KLHL12: variants seen among roughly 807,000 people sequenced by gnomAD.
The protein encoded by KLHL12 is kelch like family member 12, also known as kelch-like protein 12.
A neutral mutation model predicts 60.8 loss-of-function variants in KLHL12; 17 were observed. The observed-to-expected ratio is 0.28, with a 90% CI of 0.19 to 0.42. The LOEUF (loss-of-function observed/expected upper bound fraction) is 0.42, where lower values mean the gene tolerates loss of function less well. KLHL12 is among the 10% of genes least tolerant of loss of function. KLHL12 has a pLI of 1.00. For missense variants in KLHL12, 468 were observed against 722.3 expected (o/e 0.65, Z 4.04); for synonymous variants, 220 against 250.9 (o/e 0.88, Z 1.16).
chr1:202,908,125 A>C (rs1660251683), intron 6 of KLHL12, among the ~76,000 whole-genome samples: 1 of 152,206 alleles, frequency 6.6e-6, no homozygotes, highest in Non-Finnish European at 1.5e-5. Flanking sequence ...CAGTGAAGCA[A>C]AGAGAATAGG....
intron 6 of KLHL12, among the ~76,000 whole-genome samples, chr1:202,903,992 G>GTATCTATC (rs566027420): frequency 7.8e-5 from 11 of 141,588 alleles, no homozygotes; most frequent in African/African-American, 2.6e-4. Context: ...ATCTATCTAT[G>GTATCTATC]TATCTATCTA....
At chr1:202,897,283 T>C (rs1169519474) in intron 6 of KLHL12, among the ~76,000 whole-genome samples, 1 of 139,554 alleles carries the variant, frequency 7.2e-6, no homozygotes, top group Non-Finnish European at 1.5e-5. Flanking sequence ...TTGACCAGGC[T>C]AGAATGCAAT....
intron 11 of KLHL12, 25 bp from the exon 12 acceptor site, chr1:202,892,684 A>T (rs750397673): frequency 6.2e-7 from 1 of 1,611,234 alleles, no homozygotes; most frequent in South Asian, 1.1e-5. Context: ...AGCAAAAGAA[A>T]GAAATGAGTC....
chr1:202,927,466 T>C (rs2102468820), upstream of KLHL12, among the ~76,000 whole-genome samples: 1 of 136,444 alleles, frequency 7.3e-6, no homozygotes, highest in South Asian at 2.3e-4. Context: ...GCGAATTACC[T>C]GAGCTCCGGA....
At chr1:202,901,312 C>T (rs1019139326) in intron 6 of KLHL12, among the ~76,000 whole-genome samples, 3 of 152,038 alleles carry the variant, frequency 2.0e-5, no homozygotes, top group Admixed American at 6.6e-5. Context: ...GTCACCTAGG[C>T]TGGAGTGCAG....
chr1:202,924,479 GC>G (rs1354992767), intron 2 of KLHL12, among the ~76,000 whole-genome samples: 1 of 152,320 alleles, frequency 6.6e-6, no homozygotes. Context: ...AAGGCTGGAT[GC>G]CGTGGCTCAC....
At position 202,911,173 on chromosome 1, in the gene KLHL12, C is replaced by T. The variant is rs1660343210; in HGVS notation, c.598G>A (p.Val200Ile). The T allele has an allele frequency of 6.2e-7, 1 of 1,614,128 alleles. No homozygotes were observed. The highest frequency in any genetic ancestry group is 1.7e-5 in the Admixed American group (1 of 60,020). The change falls in exon 5 of 12, where the codon GTC (valine) becomes ATC (isoleucine). Residue 200 changes from valine (V) to isoleucine (I), a missense_variant. Transcript: ENST00000367261. ...VDSEEPVFEA[V>I]INWVKHAKKE... ...TTGGCATGCTTCACCCAGTTGATGA[C>T]AGCCTCAAAGACTGGCTCTTCAGAA... is the stretch of plus-strand genomic sequence containing the variant.
At position 202,893,196 on chromosome 1, in the gene KLHL12, C is replaced by G. The variant is rs201727753; in HGVS notation, c.1580+43G>C. On this transcript the variant is annotated intron_variant, in intron 11 of 11. Coordinates refer to ENST00000367261, the MANE Select transcript of KLHL12 (RefSeq NM_021633.4). This position sits in a 1 kb window ranked among gnomAD's most constrained non-coding sequence, Gnocchi z 4.1. The stretch of plus-strand genomic sequence containing the variant: ...GAGGATCAGATCACATAGACTCTTG[C>G]TCTGGCTACATATTGAGTCTGGATT... 10 of 1,495,750 alleles carry G rather than the reference C, an allele frequency of 6.7e-6. No individual in the cohort carries two copies. Among genetic ancestry groups the G allele is most frequent in the Non-Finnish European group, 9.1e-6 (10 of 1,101,770 alleles). 92.7% of individuals were successfully genotyped at this position (1,495,750 alleles called of 1,614,324 possible).
Position 202,894,296 on chromosome 1 carries a change from AC to A in KLHL12, c.1295-15del. ...CGTCATATCCTCCTGGAAGACAGAG[AC>A]CATTCCAGAAAGAGTGGTAAATCCT... is the stretch of plus-strand genomic sequence containing the variant. On this transcript the variant is annotated splice_polypyrimidine_tract_variant and intron_variant, in intron 9 of 11. Coordinates refer to ENST00000367261, the MANE Select transcript of KLHL12 (RefSeq NM_021633.4). 1 of 1,508,040 alleles carries A rather than the reference AC, an allele frequency of 6.6e-7. No individual in the cohort carries two copies. Among genetic ancestry groups the A allele is most frequent in the Non-Finnish European group, 9.0e-7 (1 of 1,106,448 alleles). The allele number at this position is 1,508,040 out of a possible 1,614,324, so 93.4% of individuals were successfully genotyped here.
intron 2 of KLHL12, among the ~76,000 whole-genome samples, chr1:202,923,589 CTGTT>C (rs1237110446): frequency 6.6e-6 from 1 of 152,178 alleles, no homozygotes; most frequent in Non-Finnish European, 1.5e-5. Context: ...GAGTTACAAA[CTGTT>C]TGGGCTTTAG....
At chr1:202,912,010 G>A in intron 4 of KLHL12, 1 of 790,378 alleles carries the variant, frequency 1.3e-6, no homozygotes, top group Middle Eastern at 3.5e-4. Flanking sequence ...TGCCATTGTG[G>A]AGGAGGTGGA....
intron 4 of KLHL12, among the ~76,000 whole-genome samples, chr1:202,917,231 A>C (rs1281609992): frequency 6.6e-6 from 1 of 152,054 alleles, no homozygotes; most frequent in Admixed American, 6.6e-5. Flanking sequence ...CTTCCCCCGC[A>C]AGAGACAGGG....
intron 4 of KLHL12, among the ~76,000 whole-genome samples, chr1:202,912,986 AG>A (rs1660410803): frequency 1.3e-5 from 2 of 150,594 alleles, no homozygotes; most frequent in Admixed American, 1.3e-4. Flanking sequence ...GTTTTAATGC[AG>A]ATTTTTTTTT....
intron 2 of KLHL12, among the ~76,000 whole-genome samples, chr1:202,920,577 C>T (rs566577155): frequency 3.3e-5 from 5 of 151,554 alleles, no homozygotes; most frequent in African/African-American, 9.7e-5. Context: ...GGGGTTTCAC[C>T]GTGTTAGCCA....
At chr1:202,894,493 A>G in intron 9 of KLHL12, 98 bp downstream of exon 9, 1 of 1,231,422 alleles carries the variant, frequency 8.1e-7, no homozygotes, top group Non-Finnish European at 1.2e-6. Context: ...TTTTAGTTGA[A>G]GGGAAGTCTA....
At chr1:202,918,636 A>G (rs1274154284) in intron 3 of KLHL12, among the ~76,000 whole-genome samples, 2 of 152,246 alleles carry the variant, frequency 1.3e-5, no homozygotes, top group African/African-American at 2.4e-5. Flanking sequence ...TGCAAGATGA[A>G]TCACATCCAG....
Position 202,895,763 on chromosome 1 carries a change from G to A in KLHL12, c.940-46C>T, listed in dbSNP as rs1368404231. On this transcript the variant is annotated intron_variant, in intron 7 of 11. Coordinates refer to ENST00000367261, the MANE Select transcript of KLHL12 (RefSeq NM_021633.4). This position sits in a 1 kb window ranked among gnomAD's most constrained non-coding sequence, Gnocchi z 4.2. ...GGTACAGAGCATTTCAGTTAGGCAAGTTTTGGGCCTTACCTTTTGCTATCT... is the reference window on the plus strand; with the variant it reads ...GGTACAGAGCATTTCAGTTAGGCAAATTTTGGGCCTTACCTTTTGCTATCT... The A allele has an allele frequency of 1.3e-6, 2 of 1,502,490 alleles. No individual in the cohort carries two copies. Among genetic ancestry groups the A allele is most frequent in the Admixed American group, 3.5e-5 (2 of 57,322 alleles). The allele number at this position is 1,502,490 out of a possible 1,614,324, so 93.1% of individuals were successfully genotyped here.
chr1:202,923,195 T>C (rs531537260), intron 2 of KLHL12, among the ~76,000 whole-genome samples: 58 of 152,328 alleles, frequency 3.8e-4, no homozygotes, highest in African/African-American at 1.3e-3. Flanking sequence ...AAAGAATTCA[T>C]TTCCAAATAA....
chr1:202,907,238 A>G (rs532908531), intron 6 of KLHL12, among the ~76,000 whole-genome samples: 1 of 152,320 alleles, frequency 6.6e-6, no homozygotes, highest in Non-Finnish European at 1.5e-5. Context: ...GATGATTTTT[A>G]TTTATTTTTT....
Sources: gnomAD v4.1 joint callset for allele counts (sites outside exome capture counted in the v4.1 genomes callset) on GRCh38, gnomAD v4.1.1 for gene constraint, Gnocchi (gnomAD v3.1) non-coding constraint, MANE v1.5 for transcripts, NCBI Gene and HGNC (gene_info 2026-07-23, HGNC 2026-07-21) for gene names.